BMPR1B: variants seen among roughly 807,000 people sequenced by gnomAD.
BMPR1B encodes bone morphogenetic protein receptor type 1B, also known as bone morphogenetic protein receptor type-1B.
In BMPR1B, 12 loss-of-function variants were observed where a neutral mutation model predicts 59.1. The observed-to-expected ratio is 0.20, with a 90% CI of 0.13 to 0.33. BMPR1B has a LOEUF of 0.33. Ranked by LOEUF, BMPR1B falls within the 10% of genes least tolerant of loss-of-function variation. The pLI is 1.00. For missense variants in BMPR1B, 550 were observed against 610.9 expected (o/e 0.90, Z 1.05); for synonymous variants, 237 against 207.3 (o/e 1.14, Z -1.23).
chr4:95,063,644 AC>A (rs1485064335), intron 3 of BMPR1B, among the ~76,000 whole-genome samples: 5 of 152,204 alleles, frequency 3.3e-5, no homozygotes, highest in Admixed American at 2.6e-4. Context: ...ATGCAAAACC[AC>A]ATAACATAAA....
Position 95,104,438 on chromosome 4 carries a change from G to A in BMPR1B, c.14G>A (p.Ser5Asn). The change falls in exon 4 of 13, where the codon AGT becomes AAT. Residue 5 changes from serine to asparagine, a missense_variant. Ser to Asn is a conservative substitution (Grantham distance 46). This residue lies in a region of BMPR1B where 43 missense variants were observed against 35.4 expected (regional missense o/e 1.22). Coordinates refer to ENST00000515059, the MANE Select transcript of BMPR1B (RefSeq NM_001203.3). ...TTCCTTGATAACATGCTTTTGCGAA[G>A]TGCAGGAAAATTAAATGTGGGCACC... MLLR[S>N]AGKLNVGTKK... The A allele has an allele frequency of 6.2e-7, 1 of 1,613,246 alleles. No individual in the cohort carries two copies. Among genetic ancestry groups the A allele is most frequent in the Non-Finnish European group, 8.5e-7 (1 of 1,179,532 alleles).
At chr4:94,776,934 CAA>C in intron 1 of BMPR1B, among the ~76,000 whole-genome samples, 1 of 152,096 alleles carries the variant, frequency 6.6e-6, no homozygotes, top group Non-Finnish European at 1.5e-5. Flanking sequence ...GATATGCTAA[CAA>C]AAGTGTGAAT....
intron 3 of BMPR1B, among the ~76,000 whole-genome samples, chr4:95,025,944 A>T (rs1724322690): frequency 6.6e-6 from 1 of 152,186 alleles, no homozygotes; most frequent in Admixed American, 6.5e-5. Context: ...ACATTTGTTT[A>T]ATTTTTATTA....
At chr4:94,999,291 T>C (rs1163064102) in intron 3 of BMPR1B, among the ~76,000 whole-genome samples, 1 of 152,160 alleles carries the variant, frequency 6.6e-6, no homozygotes, top group Non-Finnish European at 1.5e-5. Context: ...ATTTTCTTTA[T>C]ACCCCTTTCA....
rs1276452299 is a variant in BMPR1B at position 95,155,609 on chromosome 4, A to G, written c.*936A>G. The G allele has an allele frequency of 6.7e-6, 1 of 150,036 alleles. No individual in the cohort carries two copies. The highest frequency in any genetic ancestry group is 1.5e-5 in the Non-Finnish European group (1 of 67,804). The allele number at this position is 150,036 out of a possible 1,614,324, so 9.3% of individuals were successfully genotyped here. ...CTGTGTTGAAGACAGGGTGCTTTCA[A>G]ATAGAGGTAATTTGCTCTTGTGTTG... On this transcript the variant is annotated 3_prime_UTR_variant, in exon 13 of 13. Coordinates refer to ENST00000515059, the MANE Select transcript of BMPR1B (RefSeq NM_001203.3).
chr4:95,013,713 A>C (rs567997150), intron 3 of BMPR1B, among the ~76,000 whole-genome samples: 1 of 151,992 alleles, frequency 6.6e-6, no homozygotes, highest in African/African-American at 2.4e-5. Context: ...GAAGTCATCA[A>C]CCCACATTGA....
intron 3 of BMPR1B, among the ~76,000 whole-genome samples, chr4:95,026,494 A>G (rs532199517): frequency 6.6e-6 from 1 of 152,138 alleles, no homozygotes; most frequent in African/African-American, 2.4e-5. Context: ...TTTTCCTGAA[A>G]AAAAGTGCTT....
chr4:94,881,552 A>G (rs535214515), intron 2 of BMPR1B, among the ~76,000 whole-genome samples: 33 of 151,046 alleles, frequency 2.2e-4, no homozygotes, highest in African/African-American at 8.0e-4. Context: ...TGCAACCTCC[A>G]CCTCCCAGGT....
In BMPR1B at chr4:94,932,626, C is replaced by T. The variant is rs964980337; in HGVS notation, c.-113+56726C>T. Among the ~76,000 whole-genome samples the T allele has an allele frequency of 2.6e-5, 4 of 152,194 alleles. No homozygotes were observed. The East Asian group carries it at 7.7e-4, about 29-fold the overall frequency. ...CATAAATAAATGAGTTTGTCAAATACATACCCACATACACCCCTTTTTTGG... is the reference window on the plus strand; with the variant it reads ...CATAAATAAATGAGTTTGTCAAATATATACCCACATACACCCCTTTTTTGG... On this transcript the variant is annotated intron_variant, in intron 2 of 12. Coordinates refer to ENST00000515059, the MANE Select transcript of BMPR1B (RefSeq NM_001203.3).
At chr4:94,811,547 A>G (rs1048324751) in intron 1 of BMPR1B, among the ~76,000 whole-genome samples, 4 of 152,172 alleles carry the variant, frequency 2.6e-5, no homozygotes, top group African/African-American at 9.7e-5. Context: ...GAATAAAATG[A>G]CTTCAATATA....
chr4:95,145,913 C>T (rs947455800), intron 10 of BMPR1B, among the ~76,000 whole-genome samples: 2 of 152,230 alleles, frequency 1.3e-5, no homozygotes, highest in Non-Finnish European at 2.9e-5. Context: ...ATGGCCCATG[C>T]AGTCCAGAGA....
At chr4:94,770,048 A>G (rs1722114302) in intron 1 of BMPR1B, among the ~76,000 whole-genome samples, 1 of 152,176 alleles carries the variant, frequency 6.6e-6, no homozygotes, top group South Asian at 2.1e-4. Flanking sequence ...GAGTCTTCAC[A>G]TCTATAATGT....
intron 1 of BMPR1B, among the ~76,000 whole-genome samples, chr4:94,814,746 C>T (rs923339298): frequency 5.9e-5 from 9 of 152,076 alleles, no homozygotes; most frequent in African/African-American, 1.7e-4. Context: ...ATACTGGGTA[C>T]TTCATATATA....
chr4:94,815,908 T>C (rs1723992207), intron 1 of BMPR1B, among the ~76,000 whole-genome samples: 2 of 152,176 alleles, frequency 1.3e-5, no homozygotes, highest in South Asian at 4.1e-4. Context: ...TGTTTACATT[T>C]TTATTACTTT....
intron 6 of BMPR1B, 110 bp downstream of exon 6, chr4:95,115,897 A>G: frequency 1.0e-6 from 1 of 987,254 alleles, no homozygotes. Flanking sequence ...CCACTGCTGG[A>G]GCAGAGCACT....
chr4:94,859,400 C>G (rs375502453), intron 1 of BMPR1B, among the ~76,000 whole-genome samples: 1 of 152,074 alleles, frequency 6.6e-6, no homozygotes, highest in African/African-American at 2.4e-5. Context: ...GCACGCAATA[C>G]CCTTCCCACG....
intron 2 of BMPR1B, among the ~76,000 whole-genome samples, chr4:94,945,512 G>A (rs1256810517): frequency 6.6e-6 from 1 of 152,110 alleles, no homozygotes; most frequent in Admixed American, 6.6e-5. Context: ...ATAGCTCACT[G>A]CAACCTCTAA....
chr4:95,018,653 G>A (rs148880365), intron 3 of BMPR1B, among the ~76,000 whole-genome samples: 10 of 152,164 alleles, frequency 6.6e-5, no homozygotes, highest in African/African-American at 1.9e-4. Flanking sequence ...TGAGCTTTTT[G>A]TGCAGTTATT....
chr4:95,016,355 C>T (rs1362077423), intron 3 of BMPR1B, among the ~76,000 whole-genome samples: 3 of 152,056 alleles, frequency 2.0e-5, no homozygotes, highest in African/African-American at 7.2e-5. Context: ...GTGATCAACA[C>T]ATGATGTTAC....
Sources: gnomAD v4.1 joint callset for allele counts (sites outside exome capture counted in the v4.1 genomes callset) on GRCh38, gnomAD v4.1.1 for gene constraint, gnomAD v4.1.1 regional missense constraint, MANE v1.5 for transcripts, NCBI Gene and HGNC (gene_info 2026-07-23, HGNC 2026-07-21) for gene names.